The following SPECC1 variants were observed in gnomAD, a reference collection of about 807,000 sequenced individuals.
SPECC1 encodes the protein cytospin-B.
A neutral mutation model predicts 104.1 loss-of-function variants in SPECC1; 62 were observed. That is an observed-to-expected ratio of 0.60 (90% confidence interval 0.49 to 0.74). The LOEUF (loss-of-function observed/expected upper bound fraction) is 0.74. Among genes scored for constraint, SPECC1 ranks in the 30% least tolerant of loss-of-function variants. The probability of loss-of-function intolerance (pLI) is 0.00; values close to 1 mark genes in which losing one functional copy is unlikely to be tolerated. For synonymous variants in SPECC1, 513 were observed against 501.6 expected (o/e 1.02, Z -0.30); for missense variants, 1,306 against 1,310.5 (o/e 1.00, Z 0.05).
chr17:20,054,320 C>G (rs989822461), intron 1 of SPECC1, among the ~76,000 whole-genome samples: 1 of 152,234 alleles, frequency 6.6e-6, no homozygotes, highest in Non-Finnish European at 1.5e-5. Context: ...GCTCCTGTCT[C>G]TCCTGCAGCA....
chr17:20,227,973 G>A (rs1052877971), intron 5 of SPECC1, among the ~76,000 whole-genome samples: 2 of 152,112 alleles, frequency 1.3e-5, no homozygotes, highest in Non-Finnish European at 2.9e-5. Context: ...ACGAGGGGGG[G>A]TGGGTTTGAC....
intron 3 of SPECC1, chr17:20,111,748 G>T: frequency 1.4e-6 from 1 of 718,614 alleles, no homozygotes. Flanking sequence ...GGGGAAAGGC[G>T]GAAGGAGAAA....
chr17:20,248,394 C>T (rs1350643332), intron 9 of SPECC1, among the ~76,000 whole-genome samples: 1 of 152,120 alleles, frequency 6.6e-6, no homozygotes, highest in Non-Finnish European at 1.5e-5. Flanking sequence ...GTTGAGTGAG[C>T]CCGTCTTGAG....
intron 1 of SPECC1, among the ~76,000 whole-genome samples, chr17:20,032,993 C>T (rs1318128175): frequency 6.7e-6 from 1 of 149,718 alleles, no homozygotes; most frequent in Non-Finnish European, 1.5e-5. Flanking sequence ...GAGGTGGAGT[C>T]TCACTTTGTT....
Position 20,116,307 on chromosome 17 carries a change from C to T in SPECC1, c.283+5745C>T, listed in dbSNP as rs543938167. On this transcript the variant is annotated intron_variant, in intron 3 of 14. Transcript: ENST00000395527. ...GTTTCACCATGTTAGCCAGGATGGT[C>T]TCGATCTCCTGACCTCGTGATCCAC... Among the ~76,000 whole-genome samples, 5 of 152,170 alleles carry T rather than the reference C, an allele frequency of 3.3e-5. No homozygotes were observed. In the South Asian group the frequency reaches 1.0e-3, roughly 32 times the overall value.
intron 13 of SPECC1, among the ~76,000 whole-genome samples, chr17:20,300,101 G>A (rs548998740): frequency 1.3e-5 from 2 of 152,316 alleles, no homozygotes; most frequent in East Asian, 1.9e-4. Flanking sequence ...GGACAGCATG[G>A]GCACAAATGG....
intron 1 of SPECC1, among the ~76,000 whole-genome samples, chr17:20,094,088 G>A (rs1383538932): frequency 6.6e-6 from 1 of 152,084 alleles, no homozygotes; most frequent in Non-Finnish European, 1.5e-5. Flanking sequence ...TATGGCTGAT[G>A]GGTGGGTACA....
At chr17:20,198,022 GGCTT>G (rs2036151153) in intron 3 of SPECC1, among the ~76,000 whole-genome samples, 1 of 152,194 alleles carries the variant, frequency 6.6e-6, no homozygotes, top group African/African-American at 2.4e-5. Flanking sequence ...CAGCATGCCA[GGCTT>G]CTGGGTTCCC....
intron 14 of SPECC1, among the ~76,000 whole-genome samples, chr17:20,308,666 A>G (rs759571490): frequency 1.4e-4 from 22 of 152,240 alleles, no homozygotes; most frequent in Non-Finnish European, 2.9e-4. Context: ...CACACAAAGA[A>G]AAAATATCCC....
At chr17:20,146,249 A>G (rs1208033299) in intron 3 of SPECC1, among the ~76,000 whole-genome samples, 2 of 152,098 alleles carry the variant, frequency 1.3e-5, no homozygotes, top group African/African-American at 4.8e-5. Flanking sequence ...CACTGATCTT[A>G]CTGTCTCTAC....
chr17:20,293,741 A>G (rs2041248117), intron 12 of SPECC1, among the ~76,000 whole-genome samples: 1 of 152,244 alleles, frequency 6.6e-6, no homozygotes, highest in South Asian at 2.1e-4. Context: ...CGCTTCTGCA[A>G]TCTCTTGCAA....
intron 13 of SPECC1, among the ~76,000 whole-genome samples, chr17:20,301,578 C>T (rs943613221): frequency 6.6e-6 from 1 of 152,166 alleles, no homozygotes; most frequent in Admixed American, 6.5e-5. Flanking sequence ...AGCAATTAAA[C>T]TATGTCTGAC....
At chr17:20,278,381 G>A (rs560326852) in intron 12 of SPECC1, among the ~76,000 whole-genome samples, 5 of 152,302 alleles carry the variant, frequency 3.3e-5, no homozygotes, top group South Asian at 2.1e-4. Flanking sequence ...AGAGGCCAGC[G>A]CCCTTGGATG....
At chr17:20,270,432 C>CAA (rs2040363150) in intron 12 of SPECC1, among the ~76,000 whole-genome samples, 2 of 43,064 alleles carry the variant, frequency 4.6e-5, no homozygotes, top group African/African-American at 8.6e-5. Context: ...CCTGTCTTTA[C>CAA]CAAAAAAAAA....
At chr17:20,220,567 T>G (rs981209989) in intron 4 of SPECC1, among the ~76,000 whole-genome samples, 4 of 151,480 alleles carry the variant, frequency 2.6e-5, no homozygotes, top group Admixed American at 1.3e-4. Flanking sequence ...AGTTTTTTTT[T>G]TTTTTTTTTT....
Position 20,246,031 on chromosome 17 carries a change from C to T in SPECC1, c.2457C>T (p.Thr819=), listed in dbSNP as rs931835469. 11 of 1,614,044 alleles carry T rather than the reference C, an allele frequency of 6.8e-6. No homozygotes were observed. The highest frequency in any genetic ancestry group is 3.3e-4 in the Middle Eastern group (2 of 6,084). ...TSPTPPESAT[T]VKSLIKSFDL... Reference sequence around the variant, plus strand: ...CAACACCCCCAGAGTCGGCAACCACCGTTAAGTCACTTATCAAGTCATTTG... The same window carrying T: ...CAACACCCCCAGAGTCGGCAACCACTGTTAAGTCACTTATCAAGTCATTTG... The change falls in exon 8 of 15, where the codon ACC becomes ACT. Residue 819 remains threonine (T), a synonymous_variant. Transcript: ENST00000395527.
At chr17:20,152,536 T>G (rs943455160) in intron 3 of SPECC1, among the ~76,000 whole-genome samples, 4 of 152,182 alleles carry the variant, frequency 2.6e-5, no homozygotes, top group Non-Finnish European at 4.4e-5. Context: ...AAGCCTGAGT[T>G]CAGAGTGCCA....
chr17:20,118,575 A>G (rs186250466), intron 3 of SPECC1, among the ~76,000 whole-genome samples: 26 of 152,306 alleles, frequency 1.7e-4, no homozygotes, highest in Admixed American at 5.2e-4. Context: ...ATATGGTATA[A>G]CCTTAATTTG....
intron 1 of SPECC1, chr17:20,017,845 T>C (rs1459355795): frequency 6.6e-6 from 1 of 152,254 alleles, no homozygotes; most frequent in East Asian, 1.9e-4. Flanking sequence ...TAATTTCTTC[T>C]ATGTGCTCTA....
Sources: allele counts gnomAD v4.1 joint callset (sites outside exome capture counted in the v4.1 genomes callset), GRCh38; gene constraint gnomAD v4.1.1; transcripts MANE v1.5; gene names NCBI Gene and HGNC (gene_info 2026-07-23, HGNC 2026-07-21).